MMP16: variants seen among roughly 807,000 people sequenced by gnomAD.
The protein encoded by MMP16 is matrix metallopeptidase 16, also known as matrix metalloproteinase-16.
A neutral mutation model predicts 67.8 loss-of-function variants in MMP16; 12 were observed. The observed-to-expected ratio is 0.18, with a 90% CI of 0.11 to 0.29. The LOEUF (loss-of-function observed/expected upper bound fraction) is 0.29, where lower values mean the gene tolerates loss of function less well. Ranked by LOEUF, MMP16 falls within the 10% of genes least tolerant of loss-of-function variation. The pLI, the probability that MMP16 is intolerant of heterozygous loss-of-function variation, is 1.00. For synonymous variants in MMP16, 249 were observed against 255.9 expected (o/e 0.97, Z 0.26); for missense variants, 475 against 765.7 (o/e 0.62, Z 4.48).
intron 1 of MMP16, among the ~76,000 whole-genome samples, chr8:88,272,655 C>T (rs967832629): frequency 6.6e-6 from 1 of 152,174 alleles, no homozygotes; most frequent in African/African-American, 2.4e-5. Context: ...TGTGTTGTCA[C>T]AAGGAACGGG....
chr8:88,222,356 A>G (rs896428409), intron 1 of MMP16, among the ~76,000 whole-genome samples: 2 of 152,308 alleles, frequency 1.3e-5, no homozygotes, highest in East Asian at 3.9e-4. Flanking sequence ...TTTAAAGTTC[A>G]TATGGAACCA....
intron 4 of MMP16, among the ~76,000 whole-genome samples, chr8:88,154,691 G>A (rs1231588821): frequency 1.3e-5 from 2 of 148,202 alleles, no homozygotes; most frequent in African/African-American, 2.5e-5. Flanking sequence ...CACATGAAGG[G>A]GAATATCACA....
chr8:88,299,034 T>A (rs1398735451), intron 1 of MMP16, among the ~76,000 whole-genome samples: 1 of 151,948 alleles, frequency 6.6e-6, no homozygotes, highest in Non-Finnish European at 1.5e-5. Flanking sequence ...TCTTTTAAGA[T>A]CACACAGTGG....
intron 6 of MMP16, among the ~76,000 whole-genome samples, chr8:88,086,324 G>C (rs1283920835): frequency 6.6e-6 from 1 of 151,914 alleles, no homozygotes; most frequent in Non-Finnish European, 1.5e-5. Flanking sequence ...CATTACTGCT[G>C]TATGATATTC....
intron 9 of MMP16, among the ~76,000 whole-genome samples, chr8:88,043,177 G>A (rs1808154188): frequency 6.6e-6 from 1 of 152,180 alleles, no homozygotes; most frequent in Non-Finnish European, 1.5e-5. Context: ...TTGAGGATCA[G>A]AGACAAAATA....
intron 6 of MMP16, among the ~76,000 whole-genome samples, chr8:88,088,861 G>C (rs1808887912): frequency 6.6e-6 from 1 of 151,884 alleles, no homozygotes; most frequent in Non-Finnish European, 1.5e-5. Context: ...TGTGCTACTG[G>C]GTCATTTTTA....
intron 1 of MMP16, among the ~76,000 whole-genome samples, chr8:88,248,471 A>C (rs1336644152): frequency 6.6e-6 from 1 of 152,088 alleles, no homozygotes; most frequent in Non-Finnish European, 1.5e-5. Flanking sequence ...TGTAAAAAAA[A>C]GTTTAAGAGA....
At position 88,221,406 on chromosome 8, in the gene MMP16, C is replaced by T. The variant is rs536770800; in HGVS notation, c.133-24100G>A. On this transcript the variant is annotated intron_variant, in intron 1 of 9. Coordinates refer to ENST00000286614, the MANE Select transcript of MMP16 (RefSeq NM_005941.5). ...TAATCTTTTCAGCGTCTCCGTCTTC[C>T]GTATGCACCAAGGATCACCAGATAA... Among the ~76,000 whole-genome samples, 229 of 152,046 alleles carry T rather than the reference C, an allele frequency of 1.5e-3. 1 individual carries two copies. The highest frequency in any genetic ancestry group is 5.2e-3 in the African/African-American group (216 of 41,462).
chr8:88,105,354 T>C (rs985926834), intron 6 of MMP16, among the ~76,000 whole-genome samples: 1 of 151,490 alleles, frequency 6.6e-6, no homozygotes, highest in Non-Finnish European at 1.5e-5. Flanking sequence ...GGTTAGTAAT[T>C]GGAAAACTAT....
intron 6 of MMP16, among the ~76,000 whole-genome samples, chr8:88,115,747 C>T (rs943835358): frequency 2.0e-5 from 3 of 151,964 alleles, no homozygotes; most frequent in African/African-American, 4.8e-5. Flanking sequence ...TACAAACTTA[C>T]TTTCTTAATC....
chr8:88,318,158 T>C (rs1811402087), intron 1 of MMP16, among the ~76,000 whole-genome samples: 1 of 152,210 alleles, frequency 6.6e-6, no homozygotes, highest in African/African-American at 2.4e-5. Flanking sequence ...ACATTTTCTG[T>C]ATTGTTCAAT....
At chr8:88,198,091 T>C (rs1809284931) in intron 1 of MMP16, among the ~76,000 whole-genome samples, 1 of 152,176 alleles carries the variant, frequency 6.6e-6, no homozygotes, top group Non-Finnish European at 1.5e-5. Flanking sequence ...TGAATTCACA[T>C]TCTAATTGTG....
chr8:88,106,728 A>G (rs1809248253), intron 6 of MMP16, among the ~76,000 whole-genome samples: 1 of 151,304 alleles, frequency 6.6e-6, no homozygotes, highest in Non-Finnish European at 1.5e-5. Flanking sequence ...TGAGTTACTT[A>G]TTATTCCTTA....
chr8:88,234,330 T>C (rs1424893367), intron 1 of MMP16, among the ~76,000 whole-genome samples: 5 of 152,220 alleles, frequency 3.3e-5, no homozygotes, highest in Non-Finnish European at 7.3e-5. Context: ...TAAAATGTGG[T>C]ATTACTGCTT....
chr8:88,264,078 T>A lies in MMP16; in HGVS notation c.132+62997A>T, dbSNP rs1346427125. 1.3e-5 allele frequency among the ~76,000 whole-genome samples: 2 copies of A among 150,636 alleles called. 1 individual carries two copies. Among genetic ancestry groups the A allele is most frequent in the East Asian group, 3.9e-4 (2 of 5,122 alleles). On this transcript the variant is annotated intron_variant, in intron 1 of 9. Coordinates refer to ENST00000286614, the MANE Select transcript of MMP16 (RefSeq NM_005941.5). ...TATAGGGAGAGAGAGAGTGTGTGTG[T>A]GTGTGTGTGTGTGTGTGTGTATACA...
At chr8:88,201,140 CCCCCAAAA>C in intron 1 of MMP16, among the ~76,000 whole-genome samples, 1 of 91,550 alleles carries the variant, frequency 1.1e-5, no homozygotes, top group African/African-American at 4.6e-5. Flanking sequence ...ATCCTTTCCC[CCCCCAAAA>C]AAAAAAAAAA....
chr8:88,150,882 T>C (rs1429548858), intron 4 of MMP16, among the ~76,000 whole-genome samples: 1 of 142,734 alleles, frequency 7.0e-6, no homozygotes, highest in Non-Finnish European at 1.5e-5. Context: ...TAAATGTAAA[T>C]GGACTAAATG....
intron 1 of MMP16, among the ~76,000 whole-genome samples, chr8:88,304,275 C>T (rs557750947): frequency 2.0e-5 from 3 of 152,048 alleles, no homozygotes; most frequent in Admixed American, 1.3e-4. Flanking sequence ...TAAACAAAAC[C>T]TCTGAGAAAT....
chr8:88,073,956 T>C (rs948794503), intron 7 of MMP16, among the ~76,000 whole-genome samples: 2 of 152,196 alleles, frequency 1.3e-5, no homozygotes, highest in Non-Finnish European at 2.9e-5. Flanking sequence ...GTGTTTTCTT[T>C]CACAGATATA....
Sources: allele counts gnomAD v4.1 joint callset (sites outside exome capture counted in the v4.1 genomes callset), GRCh38; gene constraint gnomAD v4.1.1; transcripts MANE v1.5; gene names NCBI Gene and HGNC (gene_info 2026-07-23, HGNC 2026-07-21).